Variants in PDS5B observed in about 807,000 individuals in gnomAD.
The protein encoded by PDS5B is sister chromatid cohesion protein PDS5 homolog B.
A neutral mutation model predicts 184.1 loss-of-function variants in PDS5B; 51 were observed. The observed-to-expected ratio is 0.28, with a 90% CI of 0.22 to 0.35. The LOEUF (loss-of-function observed/expected upper bound fraction) is 0.35. Among genes scored for constraint, PDS5B ranks in the 10% least tolerant of loss-of-function variants. The pLI, the probability that PDS5B is intolerant of heterozygous loss-of-function variation, is 1.00. For synonymous variants in PDS5B, 566 were observed against 569.2 expected (o/e 0.99, Z 0.08); for missense variants, 1,180 against 1,723.3 (o/e 0.68, Z 5.58).
intron 1 of PDS5B, among the ~76,000 whole-genome samples, chr13:32,615,470 A>G (rs911285224): frequency 3.3e-5 from 5 of 152,240 alleles, no homozygotes; most frequent in African/African-American, 9.6e-5. Context: ...AATTTATTAT[A>G]TAAAGCATGT....
intron 21 of PDS5B, among the ~76,000 whole-genome samples, chr13:32,739,907 G>T (rs1486256840): frequency 6.6e-6 from 1 of 151,798 alleles, no homozygotes; most frequent in Non-Finnish European, 1.5e-5. Flanking sequence ...ATCTTTTGTG[G>T]CTTTATTATT....
At chr13:32,666,909 G>T (rs927511180) in intron 6 of PDS5B, among the ~76,000 whole-genome samples, 1 of 151,858 alleles carries the variant, frequency 6.6e-6, no homozygotes, top group African/African-American at 2.4e-5. Flanking sequence ...AAGATAAAAT[G>T]TACAGAAAAT....
intron 18 of PDS5B, among the ~76,000 whole-genome samples, chr13:32,708,260 T>C (rs1952088649): frequency 6.6e-6 from 1 of 152,336 alleles, no homozygotes; most frequent in Non-Finnish European, 1.5e-5. Context: ...AGCTATTTTC[T>C]TCTGCCCTAT....
At chr13:32,588,999 C>T (rs1199448305) in intron 1 of PDS5B, among the ~76,000 whole-genome samples, 1 of 152,172 alleles carries the variant, frequency 6.6e-6, no homozygotes, top group Non-Finnish European at 1.5e-5. Flanking sequence ...TTAGAGACTG[C>T]CTTAGAACTA....
In PDS5B at chr13:32,777,586, T is replaced by G. The variant is rs543414215; in HGVS notation, c.*2534T>G. Reference sequence around the variant, plus strand: ...TTTTGAAAATATGTACTGTATAACATTAAGAAAATATTTAACTCCCTGTAA... The same window carrying G: ...TTTTGAAAATATGTACTGTATAACAGTAAGAAAATATTTAACTCCCTGTAA... On this transcript the variant is annotated 3_prime_UTR_variant, in exon 35 of 35. Transcript: ENST00000315596. 3 of 152,466 alleles carry G rather than the reference T, an allele frequency of 2.0e-5. No individual in the cohort carries two copies. The South Asian group carries it at 6.2e-4, about 32-fold the overall frequency. The allele number at this position is 152,466 out of a possible 1,614,324, so 9.4% of individuals were successfully genotyped here.
At chr13:32,678,338 G>T (rs544574146) in intron 9 of PDS5B, among the ~76,000 whole-genome samples, 18 of 150,806 alleles carry the variant, frequency 1.2e-4, no homozygotes, top group Admixed American at 9.2e-4. Flanking sequence ...ATGATTAATT[G>T]GATAGTAGTA....
At chr13:32,689,881 T>C (rs186958947) in intron 13 of PDS5B, 2 of 152,270 alleles carry the variant, frequency 1.3e-5, no homozygotes, top group African/African-American at 4.8e-5. Context: ...GGTATTTATA[T>C]CATATTTGAA....
chr13:32,741,699 CTGTGTGTGTG>C (rs3050179), intron 22 of PDS5B, among the ~76,000 whole-genome samples: 72 of 139,270 alleles, frequency 5.2e-4, no homozygotes, highest in East Asian at 8.4e-4. Context: ...CCCTTTCAGT[CTGTGTGTGTG>C]TGTGTGTGTG....
chr13:32,665,445 T>G (rs112750798), intron 6 of PDS5B, among the ~76,000 whole-genome samples: 1 of 151,224 alleles, frequency 6.6e-6, no homozygotes, highest in African/African-American at 2.4e-5. Context: ...AAAAATTAGC[T>G]GGGCGTGGTG....
chr13:32,652,557 G>A (rs1354141068), intron 3 of PDS5B: 1 of 133,614 alleles, frequency 7.5e-6, no homozygotes, highest in Non-Finnish European at 1.5e-5. Context: ...GGGCAACATA[G>A]CAAGGCGTTG....
At chr13:32,655,374 A>ATT (rs1228814649) in intron 3 of PDS5B, among the ~76,000 whole-genome samples, 49 of 72,446 alleles carry the variant, frequency 6.8e-4, no homozygotes, top group Non-Finnish European at 8.4e-4. Flanking sequence ...ATATATATAT[A>ATT]TTTTTTTTTT....
chr13:32,613,277 A>G (rs2058169401), intron 1 of PDS5B, among the ~76,000 whole-genome samples: 1 of 152,210 alleles, frequency 6.6e-6, no homozygotes, highest in Admixed American at 6.5e-5. Context: ...GCTGGATCAC[A>G]TGGTAGTTCC....
At chr13:32,657,937 A>G (rs1207397597) in intron 3 of PDS5B, among the ~76,000 whole-genome samples, 2 of 152,344 alleles carry the variant, frequency 1.3e-5, no homozygotes, top group African/African-American at 4.8e-5. Flanking sequence ...TAAAAATAGC[A>G]TAAATTTTAG....
chr13:32,674,138 CCTAA>C (rs1405075416), intron 8 of PDS5B, among the ~76,000 whole-genome samples: 6 of 152,010 alleles, frequency 3.9e-5, no homozygotes, highest in South Asian at 2.1e-4. Flanking sequence ...GTAGCATGTT[CCTAA>C]CTGTTTTGAC....
chr13:32,597,602 G>C (rs558793476), intron 1 of PDS5B, among the ~76,000 whole-genome samples: 11 of 151,870 alleles, frequency 7.2e-5, no homozygotes, highest in South Asian at 2.1e-4. Flanking sequence ...GAGGCCGAGG[G>C]GGGGGCGGCA....
At chr13:32,588,196 G>C (rs2057721327) in intron 1 of PDS5B, among the ~76,000 whole-genome samples, 1 of 152,324 alleles carries the variant, frequency 6.6e-6, no homozygotes, top group African/African-American at 2.4e-5. Context: ...ATGCAGGTCA[G>C]TTCGTGCAAC....
intron 1 of PDS5B, among the ~76,000 whole-genome samples, chr13:32,641,793 T>A (rs751858577): frequency 6.6e-6 from 1 of 152,168 alleles, no homozygotes; most frequent in Non-Finnish European, 1.5e-5. Context: ...TCTAAAAATA[T>A]TTTCTCATTT....
chr13:32,701,474 T>C (rs779665777), intron 17 of PDS5B, 36 bp downstream of exon 17: 1 of 1,229,046 alleles, frequency 8.1e-7, no homozygotes, highest in Non-Finnish European at 1.2e-6. Flanking sequence ...CTCATTGCTG[T>C]TCATTAATGT....
intron 1 of PDS5B, among the ~76,000 whole-genome samples, chr13:32,638,789 A>G (rs1304806862): frequency 2.0e-5 from 3 of 151,924 alleles, no homozygotes; most frequent in South Asian, 2.1e-4. Flanking sequence ...GAGGAGGGCT[A>G]TTTCCTTTCT....
Sources: gnomAD v4.1 joint callset for allele counts (sites outside exome capture counted in the v4.1 genomes callset) on GRCh38, gnomAD v4.1.1 for gene constraint, MANE v1.5 for transcripts, NCBI Gene and HGNC (gene_info 2026-07-23, HGNC 2026-07-21) for gene names.